ATP2A2: variants seen among roughly 807,000 people sequenced by gnomAD.
ATP2A2 encodes ATPase sarcoplasmic/endoplasmic reticulum Ca2+ transporting 2.
A neutral mutation model predicts 109.3 loss-of-function variants in ATP2A2; 14 were observed. That is an observed-to-expected ratio of 0.13 (90% CI 0.08 to 0.20). The LOEUF (loss-of-function observed/expected upper bound fraction) is 0.20, where lower values mean the gene tolerates loss of function less well. Among genes scored for constraint, ATP2A2 ranks in the 10% least tolerant of loss-of-function variants. The pLI is 1.00. For synonymous variants in ATP2A2, 506 were observed against 490.9 expected (o/e 1.03, Z -0.41); for missense variants, 657 against 1,321.6 (o/e 0.50, Z 7.80).
Position 110,349,690 on chromosome 12 carries a change from C to T in ATP2A2, c.*3220C>T. The T allele has an allele frequency of 1.6e-5, 16 of 995,932 alleles. No homozygotes were observed. The highest frequency in any genetic ancestry group is 1.8e-5 in the Non-Finnish European group (15 of 835,152). The allele number at this position is 995,932 out of a possible 1,614,324, so 61.7% of individuals were successfully genotyped here. On this transcript the variant is annotated 3_prime_UTR_variant, in exon 20 of 20. Transcript: ENST00000539276. ...GTCTACCAAGCATCTAGCCACTGTC[C>T]AGGGCCAGAGCATACCACGTCTGCA...
In ATP2A2 at chr12:110,344,872, GTGTT is replaced by G; in HGVS notation, c.2522-9_2522-6del. The G allele has an allele frequency of 1.2e-6, 2 of 1,614,084 alleles. No individual in the cohort carries two copies. The highest frequency in any genetic ancestry group is 1.7e-4 in the Middle Eastern group (1 of 6,060). ...CAGAGGCAAGTGCATCAGCATCACTGTGTTTGTTCCCAGGTTACGTCGGCGCTGC... is the reference window on the plus strand; with the variant it reads ...CAGAGGCAAGTGCATCAGCATCACTGTGTTCCCAGGTTACGTCGGCGCTGC... On this transcript the variant is annotated splice_polypyrimidine_tract_variant and intron_variant, in intron 16 of 19. Transcript: ENST00000539276.
chr12:110,308,442 T>C (rs993540741), intron 5 of ATP2A2, among the ~76,000 whole-genome samples: 9 of 152,188 alleles, frequency 5.9e-5, no homozygotes, highest in African/African-American at 2.2e-4. Flanking sequence ...TTCATGGTGT[T>C]TGTAAACTTA....
At chr12:110,320,631 T>G (rs896385826) in intron 5 of ATP2A2, among the ~76,000 whole-genome samples, 4 of 152,224 alleles carry the variant, frequency 2.6e-5, no homozygotes, top group African/African-American at 9.6e-5. Flanking sequence ...CTCTCTTCAA[T>G]GTAGTTAGAG....
intron 11 of ATP2A2, among the ~76,000 whole-genome samples, chr12:110,335,115 GA>G (rs1304293296): frequency 6.6e-6 from 1 of 152,186 alleles, no homozygotes; most frequent in African/African-American, 2.4e-5. Context: ...CAAGGATGGG[GA>G]GTCTCCACAG....
chr12:110,334,136 G>A lies in ATP2A2; in HGVS notation c.1412G>A (p.Cys471Tyr). The change falls in exon 11 of 20, where the codon TGC becomes TAC. Residue 471 changes from cysteine (C) to tyrosine (Y), a missense_variant. Transcript: ENST00000539276. ...GLSKIERANACNSVIKQLMKK... is the reference protein window; with the variant it reads ...GLSKIERANAYNSVIKQLMKK... The stretch of plus-strand genomic sequence containing the variant: ...TCTAAAATAGAACGTGCAAATGCCT[G>A]CAACTCAGTGAGTATTTGAACCTGG... The A allele has an allele frequency of 6.2e-7, 1 of 1,613,886 alleles. No individual in the cohort carries two copies. The highest frequency in any genetic ancestry group is 8.5e-7 in the Non-Finnish European group (1 of 1,180,020).
intron 5 of ATP2A2, among the ~76,000 whole-genome samples, chr12:110,316,380 G>A (rs970690147): frequency 6.6e-6 from 1 of 152,144 alleles, no homozygotes; most frequent in Admixed American, 6.5e-5. Context: ...TAGTCTAAAC[G>A]TAGAATTTAA....
intron 4 of ATP2A2, among the ~76,000 whole-genome samples, chr12:110,293,762 G>A (rs1403559184): frequency 1.4e-5 from 2 of 147,722 alleles, no homozygotes; most frequent in East Asian, 2.0e-4. Flanking sequence ...AAATGTTAAC[G>A]ATCTTTATGT....
chr12:110,294,341 C>A (rs1417377704), intron 4 of ATP2A2, among the ~76,000 whole-genome samples: 1 of 152,112 alleles, frequency 6.6e-6, no homozygotes, highest in African/African-American at 2.4e-5. Context: ...CTGTGCCTGG[C>A]CTTCTTCTTA....
intron 8 of ATP2A2, chr12:110,331,897 T>C (rs1198480446): frequency 6.6e-6 from 1 of 152,240 alleles, no homozygotes; most frequent in East Asian, 1.9e-4. Flanking sequence ...AAATTATCTT[T>C]AAGAAAATAG....
chr12:110,304,826 G>A (rs1875088425), intron 5 of ATP2A2, among the ~76,000 whole-genome samples: 1 of 152,142 alleles, frequency 6.6e-6, no homozygotes, highest in African/African-American at 2.4e-5. Flanking sequence ...GTTGCCAATT[G>A]AAGGTCACAA....
chr12:110,338,655 C>T (rs1415028121), intron 11 of ATP2A2, among the ~76,000 whole-genome samples: 1 of 152,188 alleles, frequency 6.6e-6, no homozygotes, highest in Non-Finnish European at 1.5e-5. Flanking sequence ...ACCATGTTGG[C>T]CAGGCTGGTC....
intron 6 of ATP2A2, among the ~76,000 whole-genome samples, chr12:110,323,295 C>T (rs1566226278): frequency 6.6e-6 from 1 of 152,186 alleles, no homozygotes. Flanking sequence ...GGCAGTTCTC[C>T]TGTCTCAGCC....
In ATP2A2 at chr12:110,333,335, G is replaced by T. The variant is rs768479230; in HGVS notation, c.1287+52G>T. On this transcript the variant is annotated intron_variant, in intron 10 of 19. Coordinates refer to ENST00000539276, the MANE Select transcript of ATP2A2 (RefSeq NM_170665.4). ...ATGGCTGTTCCTAGTTCAAGGGTGG[G>T]GTGGGTGGAATGAAAGTCTAGCCTG... 19 of 1,502,986 alleles carry T rather than the reference G, an allele frequency of 1.3e-5. No homozygotes were observed. The East Asian group carries it at 3.8e-4, about 30-fold the overall frequency. The allele number at this position is 1,502,986 out of a possible 1,614,324, so 93.1% of individuals were successfully genotyped here. A position where few individuals can be genotyped will look rare whatever the true frequency, so the allele number is the denominator to read the frequency against.
At position 110,281,745 on chromosome 12, in the gene ATP2A2, G is replaced by A; in HGVS notation, c.-45G>A. On this transcript the variant is annotated 5_prime_UTR_variant, in exon 1 of 20. Transcript: ENST00000539276. ...GGCCGGAGTGCGAGGCGGAGGCGAG[G>A]AGGCCGCGGGGACGGGAGGCGAGGC... 7.2e-7 allele frequency: 1 copy of A among 1,395,248 alleles called. No homozygotes were observed. 86.4% of individuals were successfully genotyped at this position (1,395,248 alleles called of 1,614,324 possible).
chr12:110,343,095 TG>T, intron 15 of ATP2A2, 136 bp from the exon 16 acceptor site: 1 of 905,908 alleles, frequency 1.1e-6, no homozygotes, highest in South Asian at 1.4e-5. Context: ...AATTCAAAAT[TG>T]GGTATAAGTA....
At chr12:110,290,845 C>T (rs1447202812) in intron 3 of ATP2A2, among the ~76,000 whole-genome samples, 1 of 152,158 alleles carries the variant, frequency 6.6e-6, no homozygotes, top group East Asian at 1.9e-4. Flanking sequence ...CTCAGGCGAT[C>T]TACCTGTCTC....
chr12:110,299,777 G>GT (rs1874357403), intron 5 of ATP2A2, among the ~76,000 whole-genome samples: 2 of 152,124 alleles, frequency 1.3e-5, no homozygotes, highest in Admixed American at 6.5e-5. Context: ...GAGCCACCAT[G>GT]TACCTGGCTA....
intron 11 of ATP2A2, among the ~76,000 whole-genome samples, chr12:110,338,618 C>T (rs1401262457): frequency 6.6e-6 from 1 of 152,134 alleles, no homozygotes; most frequent in Admixed American, 6.5e-5. Flanking sequence ...GCCACCACAC[C>T]TAGCTAATTT....
intron 18 of ATP2A2, 100 bp downstream of exon 18, chr12:110,345,482 C>T: frequency 6.5e-7 from 1 of 1,538,794 alleles, no homozygotes; most frequent in African/African-American, 1.4e-5. Flanking sequence ...CAGGACAGTT[C>T]TTCCCTTCCC....
Sources: allele counts gnomAD v4.1 joint callset (sites outside exome capture counted in the v4.1 genomes callset), GRCh38; gene constraint gnomAD v4.1.1; transcripts MANE v1.5; gene names NCBI Gene and HGNC (gene_info 2026-07-23, HGNC 2026-07-21).